VPS13D: variants seen among roughly 807,000 people sequenced by gnomAD.
VPS13D encodes vacuolar protein sorting 13 homolog D.
Under a neutral mutation model 461.9 loss-of-function variants are expected in VPS13D, and 187 were observed. The ratio of observed to expected loss-of-function variants is 0.40; its 90% CI spans 0.36 to 0.46. The LOEUF (loss-of-function observed/expected upper bound fraction) is 0.46, where lower values mean the gene tolerates loss of function less well. Among genes scored for constraint, VPS13D ranks in the 20% least tolerant of loss-of-function variants. VPS13D has a pLI of 0.60. For missense variants in VPS13D, 4,711 were observed against 5,364.9 expected, an observed-to-expected ratio of 0.88 and a Z score of 3.81; for synonymous variants, 1,951 against 1,986.3, an observed-to-expected ratio of 0.98 and a Z score of 0.47.
chr1:12,349,253 G>C lies in VPS13D; in HGVS notation c.9310G>C (p.Gly3104Arg). The change falls in exon 46 of 70, where the codon GGA (glycine) becomes CGA (arginine). Residue 3104 changes from glycine to arginine, a missense_variant. By Grantham distance (125) the Gly-to-Arg change is moderately radical (BLOSUM62 -2). Transcript: ENST00000620676. ...TSWRLQARPK[G>R]LGVFFCKAPI... ...TTGGCGGCTACAGGCCCGGCCCAAA[G>C]GATTGGGTGTATTTTTCTGTAAGGC... The C allele has an allele frequency of 6.2e-7, 1 of 1,614,174 alleles. No homozygotes were observed. Among genetic ancestry groups the C allele is most frequent in the Non-Finnish European group, 8.5e-7 (1 of 1,180,028 alleles).
At chr1:12,400,810 G>A (rs1224203558) in intron 61 of VPS13D, among the ~76,000 whole-genome samples, 1 of 152,024 alleles carries the variant, frequency 6.6e-6, no homozygotes, top group Non-Finnish European at 1.5e-5. Flanking sequence ...AAAATTAGCT[G>A]GACCTGGTGG....
rs1646047266 is a variant in VPS13D, at chr1:12,502,407, G to A, written c.12795-4446G>A. 6.6e-6 allele frequency among the ~76,000 whole-genome samples: 1 copy of A among 152,138 alleles called. No homozygotes were observed. Reference sequence around the variant, plus strand: ...TCTGGTTGATGAGGCTGGGGGTGCTGAAGAGCAAGGGTTGGAGAAGGAGCA... The same window carrying A: ...TCTGGTTGATGAGGCTGGGGGTGCTAAAGAGCAAGGGTTGGAGAAGGAGCA... On this transcript the variant is annotated intron_variant, in intron 68 of 69. Coordinates refer to ENST00000620676, the MANE Select transcript of VPS13D (RefSeq NM_015378.4). The surrounding 1 kb of genome is among the most constrained non-coding windows in gnomAD (Gnocchi z 4.3).
intron 44 of VPS13D, among the ~76,000 whole-genome samples, chr1:12,346,892 G>GT (rs1643688950): frequency 6.6e-6 from 1 of 152,224 alleles, no homozygotes; most frequent in Admixed American, 6.5e-5. Context: ...AAAGGCAAAT[G>GT]TTTGGTCCAA....
intron 65 of VPS13D, among the ~76,000 whole-genome samples, chr1:12,453,503 G>A (rs1226479316): frequency 6.6e-6 from 1 of 152,158 alleles, no homozygotes; most frequent in African/African-American, 2.4e-5. Context: ...ACATGGGCAC[G>A]CGTCACTTAA....
At chr1:12,274,641 C>T (rs763008834) in intron 18 of VPS13D, among the ~76,000 whole-genome samples, 3 of 152,180 alleles carry the variant, frequency 2.0e-5, no homozygotes, top group Admixed American at 2.0e-4. Flanking sequence ...GTTGTCTTGG[C>T]GCACTGCTCA....
chr1:12,314,353 C>G (rs768972127), intron 30 of VPS13D, 26 bp downstream of exon 30: 2 of 1,594,548 alleles, frequency 1.3e-6, no homozygotes, highest in Admixed American at 1.7e-5. Context: ...CCTTCTCTGC[C>G]TTTCTTTGTG....
intron 1 of VPS13D, among the ~76,000 whole-genome samples, chr1:12,230,701 C>A (rs1639937568): frequency 6.6e-6 from 1 of 151,912 alleles, no homozygotes; most frequent in Non-Finnish European, 1.5e-5. Context: ...TTTTGCCCCC[C>A]AGGGTCACGC....
At position 12,345,519 on chromosome 1, in the gene VPS13D, A is replaced by G; in HGVS notation, c.9021+10A>G. ...TTCATCTTCCTCTACGGTGTGTGACATTCAGGAAGTCAGATGGTTAAGCGA... is the reference window on the plus strand; with the variant it reads ...TTCATCTTCCTCTACGGTGTGTGACGTTCAGGAAGTCAGATGGTTAAGCGA... On this transcript the variant is annotated intron_variant, in intron 43 of 69. Coordinates refer to ENST00000620676, the MANE Select transcript of VPS13D (RefSeq NM_015378.4). 6.2e-7 allele frequency: 1 copy of G among 1,603,632 alleles called. No homozygotes were observed. Among genetic ancestry groups the G allele is most frequent in the Non-Finnish European group, 8.5e-7 (1 of 1,171,206 alleles).
intron 65 of VPS13D, among the ~76,000 whole-genome samples, chr1:12,443,112 T>C (rs966045144): frequency 1.3e-5 from 2 of 152,260 alleles, no homozygotes; most frequent in African/African-American, 2.4e-5. Context: ...TCCTTCACTT[T>C]ATACCCTGAG....
At chr1:12,430,787 T>C (rs17346480) in intron 65 of VPS13D, among the ~76,000 whole-genome samples, 8,432 of 152,292 alleles carry the variant, frequency 0.055, 301 homozygotes, top group Middle Eastern at 0.11. Flanking sequence ...TGCTTGGTTC[T>C]ATAGTCTCAG....
intron 60 of VPS13D, among the ~76,000 whole-genome samples, chr1:12,391,368 A>C (rs1338270738): frequency 6.6e-6 from 1 of 152,190 alleles, no homozygotes; most frequent in Non-Finnish European, 1.5e-5. Flanking sequence ...GGAATTCCCC[A>C]TGAAGCCATC....
intron 67 of VPS13D, among the ~76,000 whole-genome samples, chr1:12,491,980 G>T (rs992655419): frequency 6.6e-6 from 1 of 152,236 alleles, no homozygotes; most frequent in African/African-American, 2.4e-5. Context: ...GCGCTGAACA[G>T]ACTCCTAGGT....
intron 44 of VPS13D, among the ~76,000 whole-genome samples, chr1:12,347,392 G>A (rs933857132): frequency 1.3e-5 from 2 of 152,104 alleles, no homozygotes; most frequent in African/African-American, 2.4e-5. Context: ...GGATGGTCTC[G>A]ATCTCCTGAC....
In VPS13D at chr1:12,473,924, C is replaced by T. The variant is rs1435388698; in HGVS notation, c.12662+13528C>T. Reference sequence around the variant, plus strand: ...GCTCTGAGCCTTTGTGTGTGGGAACCGCACTGGAAAAGGTGTGCAGAGGCC... The same window carrying T: ...GCTCTGAGCCTTTGTGTGTGGGAACTGCACTGGAAAAGGTGTGCAGAGGCC... On this transcript the variant is annotated intron_variant, in intron 67 of 69. Transcript: ENST00000620676. This position sits in a 1 kb window ranked among gnomAD's most constrained non-coding sequence, Gnocchi z 4.2. Among the ~76,000 whole-genome samples the T allele has an allele frequency of 1.3e-5, 2 of 152,094 alleles. No individual in the cohort carries two copies.
intron 17 of VPS13D, 97 bp from the exon 18 acceptor site, chr1:12,272,906 C>T: frequency 6.6e-7 from 1 of 1,516,792 alleles, no homozygotes; most frequent in Non-Finnish European, 8.9e-7. Context: ...CTGAGTCACT[C>T]CATAATCCTA....
chr1:12,308,672 G>A (rs1480108337), intron 27 of VPS13D, 31 bp downstream of exon 27: 2 of 1,595,864 alleles, frequency 1.3e-6, no homozygotes, highest in African/African-American at 1.4e-5. Context: ...TTGAGATGGA[G>A]TCTCGCTCTG....
At chr1:12,437,001 T>C (rs1384007048) in intron 65 of VPS13D, among the ~76,000 whole-genome samples, 1 of 152,162 alleles carries the variant, frequency 6.6e-6, no homozygotes, top group Non-Finnish European at 1.5e-5. Context: ...AAAACAGTTA[T>C]ACCTTTCACT....
intron 5 of VPS13D, among the ~76,000 whole-genome samples, chr1:12,246,677 T>G (rs6541016): frequency 0.23 from 35,078 of 152,050 alleles, 7,115 homozygotes; most frequent in African/African-American, 0.55. Context: ...TCAGGTGTTG[T>G]CTGGAATAAA....
At chr1:12,254,988 C>T (rs527988596) in intron 7 of VPS13D, among the ~76,000 whole-genome samples, 7 of 151,908 alleles carry the variant, frequency 4.6e-5, no homozygotes, top group African/African-American at 1.4e-4. Context: ...CTCGGTTGCC[C>T]GGGCTGGAGT....
Sources: gnomAD v4.1 joint callset for allele counts (sites outside exome capture counted in the v4.1 genomes callset) on GRCh38, gnomAD v4.1.1 for gene constraint, Gnocchi (gnomAD v3.1) non-coding constraint, MANE v1.5 for transcripts, NCBI Gene and HGNC (gene_info 2026-07-23, HGNC 2026-07-21) for gene names.